KCNIP4: variants seen among roughly 807,000 people sequenced by gnomAD.
The protein encoded by KCNIP4 is potassium voltage-gated channel interacting protein 4.
In KCNIP4, 12 loss-of-function variants were observed where a neutral mutation model predicts 34.0. The observed-to-expected ratio is 0.35, with a 90% CI of 0.23 to 0.57. The LOEUF (loss-of-function observed/expected upper bound fraction) is 0.57. Among genes scored for constraint, KCNIP4 ranks in the 20% least tolerant of loss-of-function variants. The probability of loss-of-function intolerance (pLI) is 0.83; values close to 1 mark genes in which losing one functional copy is unlikely to be tolerated. For synonymous variants in KCNIP4, 124 were observed against 102.2 expected (o/e 1.21, Z -1.29); for missense variants, 238 against 311.7 (o/e 0.76, Z 1.78).
chr4:21,902,253 C>A (rs908158768), intron 1 of KCNIP4, among the ~76,000 whole-genome samples: 1 of 152,020 alleles, frequency 6.6e-6, no homozygotes, highest in African/African-American at 2.4e-5. Context: ...CAGAGGACAT[C>A]ATCATCCATT....
intron 1 of KCNIP4, among the ~76,000 whole-genome samples, chr4:21,536,391 A>G (rs1737165477): frequency 6.6e-6 from 1 of 152,156 alleles, no homozygotes; most frequent in Admixed American, 6.5e-5. Context: ...TTTGTATTTT[A>G]AGTTTCAGCT....
intron 1 of KCNIP4, among the ~76,000 whole-genome samples, chr4:21,188,227 T>A (rs1195679943): frequency 2.6e-5 from 4 of 152,190 alleles, no homozygotes; most frequent in Admixed American, 6.5e-5. Context: ...TGCTGTGTTA[T>A]AAAGGAGGAC....
rs572207712 is a variant in KCNIP4, at chr4:21,211,405, T to C, written c.62-328696A>G. On this transcript the variant is annotated intron_variant, in intron 1 of 8. Transcript: ENST00000382152. Reference sequence around the variant, plus strand: ...GCATTACTGCCTGAGCTCTACCTTCTGTTGGATCAGCTGTGGCATTAGAGT... The same window carrying C: ...GCATTACTGCCTGAGCTCTACCTTCCGTTGGATCAGCTGTGGCATTAGAGT... Among the ~76,000 whole-genome samples the C allele has an allele frequency of 2.6e-5, 4 of 152,300 alleles. No homozygotes were observed. In the East Asian group the frequency reaches 7.7e-4, roughly 29 times the overall value.
intron 1 of KCNIP4, among the ~76,000 whole-genome samples, chr4:21,635,674 C>T (rs1010112964): frequency 7.9e-5 from 12 of 152,148 alleles, no homozygotes; most frequent in African/African-American, 2.9e-4. Flanking sequence ...AATAGGAACA[C>T]TTTTACACTG....
chr4:21,067,038 G>A (rs1033955745), intron 1 of KCNIP4, among the ~76,000 whole-genome samples: 1 of 152,148 alleles, frequency 6.6e-6, no homozygotes, highest in Admixed American at 6.5e-5. Flanking sequence ...AAAGAACTGT[G>A]TCTTGCAACT....
intron 1 of KCNIP4, among the ~76,000 whole-genome samples, chr4:21,532,848 T>G (rs1022161307): frequency 6.6e-6 from 1 of 152,018 alleles, no homozygotes; most frequent in East Asian, 1.9e-4. Flanking sequence ...TTGGCGTTTG[T>G]TTTAAATTAC....
chr4:20,992,734 A>G (rs377604477), intron 1 of KCNIP4, among the ~76,000 whole-genome samples: 12 of 152,216 alleles, frequency 7.9e-5, no homozygotes, highest in African/African-American at 2.9e-4. Flanking sequence ...TGAACAAAGA[A>G]AGCACAGAGT....
At chr4:21,066,443 C>A (rs564845374) in intron 1 of KCNIP4, among the ~76,000 whole-genome samples, 13 of 152,254 alleles carry the variant, frequency 8.5e-5, no homozygotes, top group Admixed American at 8.5e-4. Context: ...GTTTTCACAT[C>A]ATATTGAGGA....
chr4:21,036,976 G>A (rs867086014), intron 1 of KCNIP4, among the ~76,000 whole-genome samples: 1 of 152,072 alleles, frequency 6.6e-6, no homozygotes, highest in African/African-American at 2.4e-5. Context: ...TGGCTAATGT[G>A]TGTGTTTGTG....
At chr4:20,768,852 G>C (rs1755631924) in intron 3 of KCNIP4, among the ~76,000 whole-genome samples, 1 of 152,098 alleles carries the variant, frequency 6.6e-6, no homozygotes, top group Non-Finnish European at 1.5e-5. Flanking sequence ...ACAGCCAATG[G>C]TGGGAAAAGG....
intron 1 of KCNIP4, among the ~76,000 whole-genome samples, chr4:21,820,234 A>G (rs549515183): frequency 6.7e-6 from 1 of 148,316 alleles, no homozygotes; most frequent in African/African-American, 2.5e-5. Flanking sequence ...ATTATTTTAA[A>G]TGACACTAGA....
chr4:21,746,564 A>T (rs1008784329), intron 1 of KCNIP4, among the ~76,000 whole-genome samples: 1 of 143,666 alleles, frequency 7.0e-6, no homozygotes. Context: ...TATTATACTC[A>T]GTATAGGTCA....
chr4:21,467,228 T>C (rs1268349351), intron 1 of KCNIP4, among the ~76,000 whole-genome samples: 2 of 152,142 alleles, frequency 1.3e-5, no homozygotes, highest in Non-Finnish European at 2.9e-5. Flanking sequence ...GAGTGCCCCA[T>C]TTGGTACATG....
At chr4:21,936,393 G>A (rs1177396370) in intron 1 of KCNIP4, among the ~76,000 whole-genome samples, 2 of 152,146 alleles carry the variant, frequency 1.3e-5, no homozygotes, top group East Asian at 1.9e-4. Context: ...CTACCATGAC[G>A]GTGAGGTCTG....
At chr4:21,111,863 C>T (rs1445463124) in intron 1 of KCNIP4, among the ~76,000 whole-genome samples, 3 of 152,164 alleles carry the variant, frequency 2.0e-5, no homozygotes, top group Non-Finnish European at 4.4e-5. Context: ...CCTGCCAGGT[C>T]CTGGCACTAC....
rs376565816 is a variant in KCNIP4 at position 21,572,634 on chromosome 4, T to TG, written c.61+375936_61+375937insC. 8.4e-3 allele frequency among the ~76,000 whole-genome samples: 984 copies of TG among 116,476 alleles called. 19 individuals carry two copies. The highest frequency in any genetic ancestry group is 0.027 in the African/African-American group (914 of 33,782). 76.4% of individuals were successfully genotyped at this position (116,476 alleles called of 152,430 possible). ...CATGGATCCACAAAGATCTCTCATCTTTTTTTTTTTTTTTTGAGACTTGCT... is the reference window on the plus strand; with the variant it reads ...CATGGATCCACAAAGATCTCTCATCTGTTTTTTTTTTTTTTTGAGACTTGCT... On this transcript the variant is annotated intron_variant, in intron 1 of 8. Transcript: ENST00000382152.
intron 1 of KCNIP4, among the ~76,000 whole-genome samples, chr4:21,155,345 AAG>A (rs1433611531): frequency 6.6e-6 from 1 of 152,218 alleles, no homozygotes; most frequent in Non-Finnish European, 1.5e-5. Flanking sequence ...GGAACCTTAG[AAG>A]ACATTATTTT....
At position 20,729,097 on chromosome 4, in the gene KCNIP4, G is replaced by A. The variant is rs1317550422; in HGVS notation, c.*985C>T. The A allele has an allele frequency of 6.6e-6, 1 of 151,810 alleles. No homozygotes were observed. The highest frequency in any genetic ancestry group is 2.4e-5 in the African/African-American group (1 of 41,326). The allele number at this position is 151,810 out of a possible 1,614,324, so 9.4% of individuals were successfully genotyped here. ...GCTGTTTGTTCTTAGTAGACAGTGG[G>A]GTAGTCAAGGTTTCTTTCTTTGTCC... On this transcript the variant is annotated 3_prime_UTR_variant, in exon 9 of 9. Coordinates refer to ENST00000382152, the MANE Select transcript of KCNIP4 (RefSeq NM_025221.6).
intron 1 of KCNIP4, among the ~76,000 whole-genome samples, chr4:21,192,949 C>A (rs201813604): frequency 0.44 from 63,809 of 144,100 alleles, 16,634 homozygotes; most frequent in African/African-American, 0.74. Context: ...ACTACTACTA[C>A]TACTAATAAT....
Sources: allele counts gnomAD v4.1 joint callset (sites outside exome capture counted in the v4.1 genomes callset), GRCh38; gene constraint gnomAD v4.1.1; transcripts MANE v1.5; gene names NCBI Gene and HGNC (gene_info 2026-07-23, HGNC 2026-07-21).